MRC1: variants seen among roughly 807,000 people sequenced by gnomAD.
The protein encoded by MRC1 is mannose receptor C-type 1, also known as macrophage mannose receptor 1.
Under a neutral mutation model 102.9 loss-of-function variants are expected in MRC1, and 62 were observed. The ratio of observed to expected loss-of-function variants is 0.60; its 90% CI spans 0.49 to 0.74. The LOEUF (loss-of-function observed/expected upper bound fraction) is 0.74. Among genes scored for constraint, MRC1 ranks in the 30% least tolerant of loss-of-function variants. The pLI is 0.00. For synonymous variants in MRC1, 457 were observed against 298.4 expected, an observed-to-expected ratio of 1.53 and a Z score of -5.48; for missense variants, 1,237 against 862.8, an observed-to-expected ratio of 1.43 and a Z score of -5.43.
intron 22 of MRC1, among the ~76,000 whole-genome samples, chr10:17,890,783 C>G (rs1279189426): frequency 1.3e-5 from 2 of 152,276 alleles, no homozygotes; most frequent in East Asian, 3.9e-4. Context: ...CCGTGGGCCA[C>G]AGATGGGTAC....
Position 17,861,461 on chromosome 10 carries a change from C to A in MRC1, c.1593C>A (p.Thr531=). The change falls in exon 10 of 30, where the codon ACC becomes ACA. Residue 531 remains threonine (T), a synonymous_variant. Transcript: ENST00000569591. ...CAACATTTGCAGAAGCAAACCAAAC[C>A]TGTAATAATGAGAATGCTTATTTAA... The part of the protein sequence containing the change: ...TLSTFAEANQ[T]CNNENAYLTT... 1.1e-6 allele frequency: 1 copy of A among 872,348 alleles called. No individual in the cohort carries two copies. The highest frequency in any genetic ancestry group is 2.0e-6 in the Non-Finnish European group (1 of 501,336). The allele number at this position is 872,348 out of a possible 1,614,324, so 54.0% of individuals were successfully genotyped here.
chr10:17,822,987 T>C, intron 1 of MRC1, 87 bp from the exon 2 acceptor site: 1 of 743,842 alleles, frequency 1.3e-6, no homozygotes, highest in Non-Finnish European at 2.5e-6. Context: ...TTGGAAACTT[T>C]TGACCTAAAA....
chr10:17,850,022 T>A (rs896244724), intron 7 of MRC1, among the ~76,000 whole-genome samples: 7 of 152,328 alleles, frequency 4.6e-5, no homozygotes, highest in Admixed American at 2.0e-4. Context: ...TGGGTAGTTT[T>A]AAAACATTAT....
intron 1 of MRC1, among the ~76,000 whole-genome samples, chr10:17,816,076 G>T (rs1366739047): frequency 6.6e-6 from 1 of 152,132 alleles, no homozygotes; most frequent in Non-Finnish European, 1.5e-5. Context: ...CGCCTGCCTT[G>T]GCCTCCTGTT....
chr10:17,876,870 T>A (rs2130685046), intron 17 of MRC1, among the ~76,000 whole-genome samples: 1 of 152,218 alleles, frequency 6.6e-6, no homozygotes, highest in Admixed American at 6.5e-5. Flanking sequence ...GCTCAGTATC[T>A]TTCTGATTAA....
At chr10:17,870,540 C>G (rs1833339337) in intron 13 of MRC1, among the ~76,000 whole-genome samples, 167 bp downstream of exon 13, 1 of 152,000 alleles carries the variant, frequency 6.6e-6, no homozygotes, top group Non-Finnish European at 1.5e-5. Context: ...CTTTCAAATC[C>G]TTTAATTTTA....
chr10:17,842,762 G>A (rs1838770560), intron 5 of MRC1, among the ~76,000 whole-genome samples: 1 of 152,112 alleles, frequency 6.6e-6, no homozygotes, highest in South Asian at 2.1e-4. Flanking sequence ...ATATTTAACC[G>A]CTTGCATCCT....
At chr10:17,811,974 A>G (rs1838230466) in intron 1 of MRC1, among the ~76,000 whole-genome samples, 1 of 152,162 alleles carries the variant, frequency 6.6e-6, no homozygotes, top group Non-Finnish European at 1.5e-5. Context: ...AGTTAGCAGC[A>G]GGTTAAACTA....
At position 17,840,825 on chromosome 10, in the gene MRC1, G is replaced by T. The variant is rs782069840; in HGVS notation, c.916+19G>T. On this transcript the variant is annotated intron_variant, in intron 5 of 29. Transcript: ENST00000569591. ...TTACCAGGTAGGGTTAAGCCTGTTTGTGTCGAATTAATCCAAATTTAAGTC... is the reference window on the plus strand; with the variant it reads ...TTACCAGGTAGGGTTAAGCCTGTTTTTGTCGAATTAATCCAAATTTAAGTC... 6 of 780,818 alleles carry T rather than the reference G, an allele frequency of 7.7e-6. 1 individual carries two copies. The highest frequency in any genetic ancestry group is 6.7e-5 in the African/African-American group (4 of 59,262). 48.4% of individuals were successfully genotyped at this position (780,818 alleles called of 1,614,324 possible). A position where few individuals can be genotyped will look rare whatever the true frequency, so the allele number is the denominator to read the frequency against.
At chr10:17,902,182 A>G in intron 26 of MRC1, 60 bp downstream of exon 26, 1 of 728,800 alleles carries the variant, frequency 1.4e-6, no homozygotes, top group Non-Finnish European at 2.5e-6. Context: ...GTCCACTGAC[A>G]CTATACATGA....
chr10:17,893,126 T>A (rs1269680135), intron 22 of MRC1, among the ~76,000 whole-genome samples: 5 of 151,860 alleles, frequency 3.3e-5, no homozygotes, highest in African/African-American at 1.2e-4. Context: ...CTGGCTTCCC[T>A]CAGCCCTTCC....
intron 24 of MRC1, 27 bp from the exon 25 acceptor site, chr10:17,900,761 T>A: frequency 1.3e-6 from 1 of 780,782 alleles, no homozygotes; most frequent in South Asian, 1.3e-5. Context: ...CAAGGCTGCA[T>A]GTTAATGCTT....
In MRC1 at chr10:17,829,759, C is replaced by T. The variant is rs1301428267; in HGVS notation, c.637+2044C>T. On this transcript the variant is annotated intron_variant, in intron 3 of 29. Coordinates refer to ENST00000569591, the MANE Select transcript of MRC1 (RefSeq NM_002438.4). ...GGTCCAACTATAGCATCCTCCACAT[C>T]CTTTGAAATTGACAAAGGAGTTAGA... Among the ~76,000 whole-genome samples, 23 of 151,350 alleles carry T rather than the reference C, an allele frequency of 1.5e-4. 1 individual carries two copies. Among genetic ancestry groups the T allele is most frequent in the Non-Finnish European group, 7.3e-5 (5 of 68,042 alleles).
At position 17,881,102 on chromosome 10, in the gene MRC1, A is replaced by G. The variant is rs1833508765; in HGVS notation, c.2901A>G (p.Arg967=). The G allele has an allele frequency of 1.3e-6, 1 of 780,834 alleles. No homozygotes were observed. The highest frequency in any genetic ancestry group is 2.4e-6 in the Non-Finnish European group (1 of 417,944). The allele number at this position is 780,834 out of a possible 1,614,324, so 48.4% of individuals were successfully genotyped here. A position where few individuals can be genotyped will look rare whatever the true frequency, so the allele number is the denominator to read the frequency against. ...FKIFGFMEEE[R]KNWQEARKAC... is the part of the protein sequence containing the mutation. ...TCTTTGGATTTATGGAAGAAGAAAG[A>G]AAAAATTGGCAAGAGGCACGAAAAG... is the stretch of plus-strand genomic sequence containing the variant. The change falls in exon 21 of 30, where the codon AGA becomes AGG. Residue 967 remains arginine (R), a synonymous_variant. Transcript: ENST00000569591.
At chr10:17,847,026 G>T (rs1482089713) in intron 6 of MRC1, among the ~76,000 whole-genome samples, 1 of 152,196 alleles carries the variant, frequency 6.6e-6, no homozygotes, top group East Asian at 1.9e-4. Context: ...AATAGATATA[G>T]ATGCGGGACC....
intron 16 of MRC1, among the ~76,000 whole-genome samples, chr10:17,874,086 AT>A (rs1404975271): frequency 1.6e-4 from 24 of 152,314 alleles, no homozygotes; most frequent in Non-Finnish European, 2.4e-4. Context: ...TAGCACATAT[AT>A]TAGTGTCCAC....
At chr10:17,831,820 C>A (rs958388350) in intron 3 of MRC1, among the ~76,000 whole-genome samples, 13 of 151,576 alleles carry the variant, frequency 8.6e-5, no homozygotes, top group Non-Finnish European at 1.6e-4. Flanking sequence ...GCTTCGCAAA[C>A]ATCATATATG....
At chr10:17,892,111 A>G (rs960548311) in intron 22 of MRC1, among the ~76,000 whole-genome samples, 2 of 152,124 alleles carry the variant, frequency 1.3e-5, no homozygotes, top group Admixed American at 6.5e-5. Flanking sequence ...GTTGCTCTTG[A>G]GTGCTGGTCT....
At chr10:17,873,667 A>G in intron 15 of MRC1, 117 bp from the exon 16 acceptor site, 2 of 764,732 alleles carry the variant, frequency 2.6e-6, no homozygotes, top group Non-Finnish European at 2.4e-6. Context: ...GGGAAGGGAA[A>G]AAAGAGAACA....
Sources: gnomAD v4.1 joint callset for allele counts (sites outside exome capture counted in the v4.1 genomes callset) on GRCh38, gnomAD v4.1.1 for gene constraint, MANE v1.5 for transcripts, NCBI Gene and HGNC (gene_info 2026-07-23, HGNC 2026-07-21) for gene names.